Variants in DPP8 observed in about 807,000 individuals in gnomAD.
DPP8 encodes DPP VIII.
A neutral mutation model predicts 107.5 loss-of-function variants in DPP8; 31 were observed. The observed-to-expected ratio is 0.29, with a 90% confidence interval of 0.22 to 0.39. DPP8 has a LOEUF of 0.39. Among genes scored for constraint, DPP8 ranks in the 10% least tolerant of loss-of-function variants. DPP8 has a pLI of 1.00. For synonymous variants in DPP8, 381 were observed against 356.6 expected (o/e 1.07, Z -0.77); for missense variants, 842 against 1,076.1 (o/e 0.78, Z 3.04).
In DPP8 at chr15:65,514,140, CT is replaced by C. The variant is rs1369492301; in HGVS notation, c.-11-1577del. ...GAATTAGTCCATTAAGCACACGTTA[CT>C]GGCATGCCAAAGAACTGAATGAAGT... On this transcript the variant is annotated intron_variant, in intron 1 of 19. Transcript: ENST00000300141. 2.0e-5 allele frequency among the ~76,000 whole-genome samples: 3 copies of C among 152,326 alleles called. No individual in the cohort carries two copies. The East Asian group carries it at 5.8e-4, about 29-fold the overall frequency.
chr15:65,515,614 C>A (rs1006280974), intron 1 of DPP8: 1 of 1,581,604 alleles, frequency 6.3e-7, no homozygotes, highest in Non-Finnish European at 8.7e-7. Context: ...TATTTCACTG[C>A]CCCACCTACC....
In DPP8 at chr15:65,480,288, A is replaced by G. The variant is rs765959653; in HGVS notation, c.1230T>C (p.Ile410=). The change falls in exon 10 of 20, where the codon ATT becomes ATC. Residue 410 remains isoleucine (I), a synonymous_variant. Coordinates refer to ENST00000300141, the MANE Select transcript of DPP8 (RefSeq NM_130434.5). ...EDDVMERQRL[I]ESVPDSVTPL... ...GCGTCACAGAATCAGGCACTGACTC[A>G]ATGAGTCTCTGCCTTTCCATAACAT... 4.3e-6 allele frequency: 7 copies of G among 1,614,032 alleles called. No individual in the cohort carries two copies. The highest frequency in any genetic ancestry group is 5.9e-6 in the Non-Finnish European group (7 of 1,179,992).
chr15:65,475,025 A>G (rs2066255933), intron 11 of DPP8, among the ~76,000 whole-genome samples: 1 of 152,026 alleles, frequency 6.6e-6, no homozygotes, highest in African/African-American at 2.4e-5. Context: ...TTTTTTTTTC[A>G]TAACTTGTTT....
At position 65,444,404 on chromosome 15, in the gene DPP8, T is replaced by C. The variant is rs2063414997; in HGVS notation, c.*2480A>G. ...CGTAGTATGATATTTAACCTAGTGC[T>C]TTTTGGCTCCCACTAAACTGTTGCT... On this transcript the variant is annotated 3_prime_UTR_variant, in exon 20 of 20. Transcript: ENST00000300141. The C allele has an allele frequency of 6.6e-6, 1 of 152,222 alleles. No homozygotes were observed. The highest frequency in any genetic ancestry group is 2.1e-4 in the South Asian group (1 of 4,834). The allele number at this position is 152,222 out of a possible 1,614,324, so 9.4% of individuals were successfully genotyped here. A position where few individuals can be genotyped will look rare whatever the true frequency, so the allele number is the denominator to read the frequency against.
At position 65,442,518 on chromosome 15, in the gene DPP8, G is replaced by T. The variant is rs7227; in HGVS notation, c.*4366C>A. On this transcript the variant is annotated 3_prime_UTR_variant, in exon 20 of 20. Transcript: ENST00000300141. ...ACAAAGAACCTGTAATAAAATGCAA[G>T]AAAACTAATGTTTCACTTTACATGA... is the stretch of plus-strand genomic sequence containing the variant. The T allele has an allele frequency of 6.6e-6, 1 of 151,922 alleles. No individual in the cohort carries two copies. The highest frequency in any genetic ancestry group is 1.5e-5 in the Non-Finnish European group (1 of 67,974). The allele number at this position is 151,922 out of a possible 1,614,324, so 9.4% of individuals were successfully genotyped here. A position where few individuals can be genotyped will look rare whatever the true frequency, so the allele number is the denominator to read the frequency against.
intron 3 of DPP8, 102 bp from the exon 4 acceptor site, chr15:65,500,881 T>C: frequency 1.1e-6 from 1 of 939,084 alleles, no homozygotes. Flanking sequence ...CTCTTTTTTT[T>C]TTTTTTTTTT....
intron 16 of DPP8, chr15:65,455,826 T>A: frequency 7.7e-7 from 1 of 1,291,404 alleles, no homozygotes. Flanking sequence ...CTCTAAAAGG[T>A]AGCATTTAAA....
At chr15:65,493,586 C>G (rs537495306) in intron 5 of DPP8, among the ~76,000 whole-genome samples, 147 of 152,074 alleles carry the variant, frequency 9.7e-4, no homozygotes, top group Admixed American at 1.8e-3. Flanking sequence ...TTAGTAACAA[C>G]CTAATGAAAA....
chr15:65,499,070 A>AGTGTGTGTGTGTGTGTGTGTGTGT (rs56047613), intron 4 of DPP8, among the ~76,000 whole-genome samples: 17 of 129,764 alleles, frequency 1.3e-4, no homozygotes, highest in African/African-American at 5.3e-4. Context: ...CCAAAAAAAA[A>AGTGTGTGTGTGTGTGTGTGTGTGT]GTGTGTGTGT....
rs151338241 is a variant in DPP8 at position 65,483,177 on chromosome 15, T to C, written c.1018-1562A>G. Among the ~76,000 whole-genome samples, 13 of 151,776 alleles carry C rather than the reference T, an allele frequency of 8.6e-5. No homozygotes were observed. The East Asian group carries it at 2.3e-3, about 27-fold the overall frequency. ...TAAATATAATGGACAAGAAGAAGTA[T>C]TGGTGATAATGTGGAGAAACTGGAA... On this transcript the variant is annotated intron_variant, in intron 8 of 19. Coordinates refer to ENST00000300141, the MANE Select transcript of DPP8 (RefSeq NM_130434.5).
intron 12 of DPP8, among the ~76,000 whole-genome samples, chr15:65,471,513 A>ATG (rs554958203): frequency 2.4e-4 from 30 of 125,252 alleles, no homozygotes; most frequent in African/African-American, 6.6e-4. Flanking sequence ...TAACCAGCCT[A>ATG]TTTTTTTTTT....
At chr15:65,458,125 A>G (rs1031414403) in intron 15 of DPP8, among the ~76,000 whole-genome samples, 1 of 152,196 alleles carries the variant, frequency 6.6e-6, no homozygotes, top group African/African-American at 2.4e-5. Flanking sequence ...GCCTTTTGGC[A>G]CTGGGAATCC....
intron 7 of DPP8, among the ~76,000 whole-genome samples, chr15:65,487,261 T>C (rs1220498465): frequency 6.6e-6 from 1 of 152,076 alleles, no homozygotes; most frequent in Non-Finnish European, 1.5e-5. Flanking sequence ...GCAATTATCC[T>C]GCGTCAGCCT....
chr15:65,512,178 T>G, intron 2 of DPP8, 117 bp downstream of exon 2: 2 of 1,074,410 alleles, frequency 1.9e-6, no homozygotes, highest in South Asian at 2.7e-5. Flanking sequence ...TTTTCTTTAA[T>G]GAAACCAAAA....
chr15:65,486,394 AAAAAAC>A (rs1018792783), intron 7 of DPP8, among the ~76,000 whole-genome samples: 2 of 151,792 alleles, frequency 1.3e-5, no homozygotes, highest in Non-Finnish European at 2.9e-5. Context: ...AGAGCAAAAA[AAAAAAC>A]AAAAACAAAA....
intron 17 of DPP8, among the ~76,000 whole-genome samples, chr15:65,453,452 T>TA (rs1347850905): frequency 6.6e-6 from 1 of 150,706 alleles, no homozygotes; most frequent in Non-Finnish European, 1.5e-5. Context: ...CACACACACA[T>TA]ACATATATAT....
intron 1 of DPP8, among the ~76,000 whole-genome samples, chr15:65,514,172 T>C (rs961041122): frequency 6.6e-5 from 10 of 152,216 alleles, no homozygotes; most frequent in African/African-American, 2.4e-4. Flanking sequence ...GAAGTGTGTG[T>C]GCAGCTTATT....
rs569852920 is a variant in DPP8 at position 65,464,625 on chromosome 15, T to C, written c.1826-719A>G. 2.0e-5 allele frequency among the ~76,000 whole-genome samples: 3 copies of C among 150,582 alleles called. No homozygotes were observed. The East Asian group carries it at 6.0e-4, about 30-fold the overall frequency. On this transcript the variant is annotated intron_variant, in intron 14 of 19. Transcript: ENST00000300141. ...CTGAGCCCAGGAGGTTGAGGCTACA[T>C]TGAGCTGTGCCCTGTGACTGCGCCA...
At chr15:65,501,609 C>G (rs1358524033) in intron 3 of DPP8, among the ~76,000 whole-genome samples, 1 of 152,198 alleles carries the variant, frequency 6.6e-6, no homozygotes, top group Non-Finnish European at 1.5e-5. Context: ...ATGACTGACA[C>G]AGAGTAAGCT....
Sources: allele counts gnomAD v4.1 joint callset (sites outside exome capture counted in the v4.1 genomes callset), GRCh38; gene constraint gnomAD v4.1.1; transcripts MANE v1.5; gene names NCBI Gene and HGNC (gene_info 2026-07-23, HGNC 2026-07-21).